The following ADGRB3 variants were observed in gnomAD, a reference collection of about 807,000 sequenced individuals.
ADGRB3 encodes the protein brain-specific angiogenesis inhibitor 3.
In ADGRB3, 37 loss-of-function variants were observed where a neutral mutation model predicts 193.4. The observed-to-expected ratio is 0.19, with a 90% CI of 0.15 to 0.25. ADGRB3 has a LOEUF of 0.25. Among genes scored for constraint, ADGRB3 ranks in the 10% least tolerant of loss-of-function variants. ADGRB3 has a pLI of 1.00. For missense variants in ADGRB3, 1,637 were observed against 1,852.9 expected (o/e 0.88, Z 2.14); for synonymous variants, 690 against 644.2 (o/e 1.07, Z -1.08).
At chr6:69,317,534 T>A (rs1479854126) in intron 20 of ADGRB3, among the ~76,000 whole-genome samples, 1 of 151,452 alleles carries the variant, frequency 6.6e-6, no homozygotes, top group Non-Finnish European at 1.5e-5. Context: ...ACCATTCTTT[T>A]TCAGCCCCAT....
At chr6:69,153,661 A>G (rs1582503021) in intron 17 of ADGRB3, among the ~76,000 whole-genome samples, 2 of 152,064 alleles carry the variant, frequency 1.3e-5, no homozygotes, top group Non-Finnish European at 2.9e-5. Flanking sequence ...TACCTCTGAA[A>G]CCTCTTCCCC....
At chr6:68,962,975 C>G (rs1369651411) in intron 8 of ADGRB3, among the ~76,000 whole-genome samples, 1 of 152,108 alleles carries the variant, frequency 6.6e-6, no homozygotes, top group African/African-American at 2.4e-5. Context: ...GCTTTCCTAC[C>G]TGGGACTCAA....
At chr6:68,965,063 C>G (rs2150260398) in intron 8 of ADGRB3, among the ~76,000 whole-genome samples, 1 of 152,274 alleles carries the variant, frequency 6.6e-6, no homozygotes, top group African/African-American at 2.4e-5. Flanking sequence ...AATAACAATT[C>G]TGTTCACAAG....
chr6:68,844,651 G>A (rs1768238167), intron 3 of ADGRB3, among the ~76,000 whole-genome samples: 1 of 152,112 alleles, frequency 6.6e-6, no homozygotes, highest in African/African-American at 2.4e-5. Context: ...GGATATGGAG[G>A]AGATATTTGC....
intron 13 of ADGRB3, among the ~76,000 whole-genome samples, chr6:69,032,156 G>A (rs1043881867): frequency 3.9e-5 from 6 of 152,106 alleles, no homozygotes; most frequent in Non-Finnish European, 8.8e-5. Flanking sequence ...CTATTTCCCT[G>A]GAGACCTTGT....
chr6:68,853,097 C>A (rs1268530905), intron 3 of ADGRB3, among the ~76,000 whole-genome samples: 1 of 151,930 alleles, frequency 6.6e-6, no homozygotes, highest in Non-Finnish European at 1.5e-5. Context: ...TATTCTAGAG[C>A]CTAGATTTTA....
intron 17 of ADGRB3, among the ~76,000 whole-genome samples, chr6:69,190,189 G>A (rs1463369958): frequency 2.6e-5 from 4 of 151,948 alleles, no homozygotes; most frequent in Non-Finnish European, 4.4e-5. Flanking sequence ...AAGTAGCCTC[G>A]GGAAGTCATT....
At chr6:68,884,127 C>A (rs189615437) in intron 3 of ADGRB3, among the ~76,000 whole-genome samples, 54 of 152,246 alleles carry the variant, frequency 3.5e-4, no homozygotes, top group Admixed American at 1.5e-3. Context: ...CCATGATTTC[C>A]AAGGTTCATT....
chr6:69,102,854 T>C (rs145339407), intron 17 of ADGRB3, among the ~76,000 whole-genome samples: 12 of 152,358 alleles, frequency 7.9e-5, no homozygotes, highest in African/African-American at 2.9e-4. Flanking sequence ...ATTATCACTA[T>C]GCAGCTATTT....
intron 5 of ADGRB3, among the ~76,000 whole-genome samples, chr6:68,938,937 T>C (rs1230389218): frequency 6.6e-6 from 1 of 152,206 alleles, no homozygotes; most frequent in African/African-American, 2.4e-5. Flanking sequence ...GGGATAGTAT[T>C]ATGGCAAATG....
At chr6:68,857,370 T>C (rs1765017945) in intron 3 of ADGRB3, among the ~76,000 whole-genome samples, 1 of 152,206 alleles carries the variant, frequency 6.6e-6, no homozygotes, top group African/African-American at 2.4e-5. Flanking sequence ...AGGGAGGCTA[T>C]ACCCTGCAAA....
At chr6:68,771,355 C>G (rs975117877) in intron 3 of ADGRB3, among the ~76,000 whole-genome samples, 4 of 151,186 alleles carry the variant, frequency 2.6e-5, no homozygotes, top group African/African-American at 9.7e-5. Context: ...TAAAGTGTTA[C>G]AGACCATGCT....
At chr6:68,987,546 T>G (rs1056086671) in intron 10 of ADGRB3, among the ~76,000 whole-genome samples, 3 of 152,154 alleles carry the variant, frequency 2.0e-5, no homozygotes, top group South Asian at 2.1e-4. Flanking sequence ...ATTTAAATAT[T>G]GTCAAAATGC....
intron 11 of ADGRB3, among the ~76,000 whole-genome samples, chr6:68,997,488 C>CAAAAAAAAAAA (rs748557247): frequency 1.6e-3 from 85 of 51,640 alleles, no homozygotes; most frequent in African/African-American, 1.9e-3. Context: ...ACTAAAAATA[C>CAAAAAAAAAAA]AAAAAAAAAA....
chr6:68,882,094 G>T (rs1189750106), intron 3 of ADGRB3, among the ~76,000 whole-genome samples: 1 of 152,074 alleles, frequency 6.6e-6, no homozygotes, highest in African/African-American at 2.4e-5. Context: ...ATTTGACTTT[G>T]ATTTAGAAAT....
At chr6:68,926,645 A>G (rs1176679663) in intron 3 of ADGRB3, among the ~76,000 whole-genome samples, 1 of 152,136 alleles carries the variant, frequency 6.6e-6, no homozygotes, top group African/African-American at 2.4e-5. Context: ...TAGTATTTCC[A>G]TTGCTAGATA....
intron 3 of ADGRB3, among the ~76,000 whole-genome samples, chr6:68,755,462 T>A (rs779576246): frequency 3.9e-5 from 6 of 152,142 alleles, no homozygotes; most frequent in African/African-American, 7.2e-5. Flanking sequence ...ATGAGCGTGC[T>A]CACAATCAAT....
intron 3 of ADGRB3, among the ~76,000 whole-genome samples, chr6:68,676,555 A>G (rs971119006): frequency 1.3e-5 from 2 of 152,196 alleles, no homozygotes; most frequent in Non-Finnish European, 2.9e-5. Flanking sequence ...ATTCATAGCC[A>G]GAGAACTGCT....
At chr6:69,018,564 A>G in intron 13 of ADGRB3, 65 bp downstream of exon 13, 1 of 973,600 alleles carries the variant, frequency 1.0e-6, no homozygotes, top group Non-Finnish European at 1.6e-6. Flanking sequence ...TATCTACACC[A>G]TACGTTTCCA....
Sources: gnomAD v4.1 joint callset for allele counts (sites outside exome capture counted in the v4.1 genomes callset) on GRCh38, gnomAD v4.1.1 for gene constraint, MANE v1.5 for transcripts, NCBI Gene and HGNC (gene_info 2026-07-23, HGNC 2026-07-21) for gene names.